SLCO1B3: variants seen among roughly 807,000 people sequenced by gnomAD.
SLCO1B3 encodes liver-specific organic anion transporter 2.
In SLCO1B3, 72 loss-of-function variants were observed where a neutral mutation model predicts 71.8. The observed-to-expected ratio is 1.00, with a 90% CI of 0.83 to 1.22. The LOEUF (loss-of-function observed/expected upper bound fraction) is 1.22. SLCO1B3 is among the 50% of genes most tolerant of loss of function. SLCO1B3 has a pLI of 0.00. For synonymous variants in SLCO1B3, 298 were observed against 278.4 expected (o/e 1.07, Z -0.70); for missense variants, 911 against 819.7 (o/e 1.11, Z -1.36).
intron 15 of SLCO1B3, among the ~76,000 whole-genome samples, chr12:20,910,760 C>T (rs758149080): frequency 1.3e-5 from 2 of 152,022 alleles, no homozygotes; most frequent in Non-Finnish European, 2.9e-5. Context: ...TCCACTTGTT[C>T]ATTGCTGATT....
chr12:20,897,123 G>A (rs561037098), intron 13 of SLCO1B3, among the ~76,000 whole-genome samples: 9 of 152,218 alleles, frequency 5.9e-5, no homozygotes, highest in African/African-American at 1.2e-4. Context: ...GAGCCAAATC[G>A]TATCAGATTC....
intron 5 of SLCO1B3, among the ~76,000 whole-genome samples, chr12:20,860,699 T>C (rs1304044749): frequency 2.0e-5 from 3 of 151,494 alleles, no homozygotes; most frequent in East Asian, 1.9e-4. Flanking sequence ...TAAATAGACA[T>C]AGTTAACAGA....
chr12:20,875,540 T>TAA, intron 9 of SLCO1B3, 63 bp downstream of exon 9: 2 of 1,461,422 alleles, frequency 1.4e-6, no homozygotes, highest in Admixed American at 2.3e-5. Flanking sequence ...GAGAAGTGAG[T>TAA]AAAAAAAAAT....
At chr12:20,814,981 C>CTTTTTTTTTTTTTTTTT (rs71039997) in intron 2 of SLCO1B3, among the ~76,000 whole-genome samples, 1 of 89,292 alleles carries the variant, frequency 1.1e-5, no homozygotes, top group Non-Finnish European at 2.3e-5. Context: ...CTTTTCTTTT[C>CTTTTTTTTTTTTTTTTT]TTTTTTTTTT....
intron 13 of SLCO1B3, among the ~76,000 whole-genome samples, chr12:20,892,800 T>A (rs1414956392): frequency 6.6e-6 from 1 of 152,074 alleles, no homozygotes; most frequent in Non-Finnish European, 1.5e-5. Flanking sequence ...ATTGGACGAT[T>A]GCCCTGGAGG....
chr12:20,855,245 C>T, intron 4 of SLCO1B3, 76 bp downstream of exon 4: 1 of 1,266,714 alleles, frequency 7.9e-7, no homozygotes, highest in Admixed American at 2.1e-5. Context: ...TGCTTTATAT[C>T]ACTGGGTCTG....
chr12:20,866,430 T>G (rs1865374417), intron 8 of SLCO1B3, among the ~76,000 whole-genome samples: 1 of 149,276 alleles, frequency 6.7e-6, no homozygotes, highest in Non-Finnish European at 1.5e-5. Context: ...GATGCAAGAT[T>G]GCTATCAGAA....
intron 13 of SLCO1B3, among the ~76,000 whole-genome samples, chr12:20,894,597 T>C (rs574134687): frequency 2.6e-5 from 4 of 152,260 alleles, no homozygotes; most frequent in African/African-American, 9.6e-5. Context: ...ACCGACAAAG[T>C]GTAACTTCTG....
intron 3 of SLCO1B3, among the ~76,000 whole-genome samples, chr12:20,829,207 C>T (rs116904774): frequency 6.6e-6 from 1 of 152,256 alleles, no homozygotes; most frequent in East Asian, 1.9e-4. Flanking sequence ...GTGATCTAAT[C>T]GTACGGAGAA....
intron 3 of SLCO1B3, among the ~76,000 whole-genome samples, chr12:20,837,474 CA>C (rs1308690862): frequency 6.6e-6 from 1 of 152,014 alleles, no homozygotes; most frequent in African/African-American, 2.4e-5. Flanking sequence ...TTCCTCTAAG[CA>C]TTGCTTTTGC....
At chr12:20,862,335 A>G (rs1370793461) in intron 6 of SLCO1B3, 77 bp from the exon 7 acceptor site, 2 of 1,412,486 alleles carry the variant, frequency 1.4e-6, no homozygotes, top group Non-Finnish European at 1.9e-6. Flanking sequence ...GGAAAAATGA[A>G]GGATTTAAAG....
chr12:20,855,024 T>C lies in SLCO1B3; in HGVS notation c.85-4T>C. On this transcript the variant is annotated splice_region_variant and splice_polypyrimidine_tract_variant and intron_variant, in intron 3 of 15. Transcript: ENST00000381545. ...ATTTTCATTTTTTCTTCTATTGTTT[T>C]TAGATGTTCTTGGCAGCCCTGTCAT... 1 of 1,608,988 alleles carries C rather than the reference T, an allele frequency of 6.2e-7. No individual in the cohort carries two copies. Among genetic ancestry groups the C allele is most frequent in the Non-Finnish European group, 8.5e-7 (1 of 1,179,108 alleles).
chr12:20,885,843 G>A (rs1271506286), intron 13 of SLCO1B3, among the ~76,000 whole-genome samples: 1 of 151,980 alleles, frequency 6.6e-6, no homozygotes, highest in Non-Finnish European at 1.5e-5. Flanking sequence ...GTGTTCAGAA[G>A]CCCCAGAGGG....
chr12:20,833,437 T>C (rs1040408792), intron 3 of SLCO1B3, among the ~76,000 whole-genome samples: 2 of 149,684 alleles, frequency 1.3e-5, no homozygotes, highest in African/African-American at 4.9e-5. Context: ...ATGTTTACTA[T>C]ATATACACAC....
chr12:20,864,902 G>A (rs1349380148), intron 8 of SLCO1B3, among the ~76,000 whole-genome samples: 1 of 152,030 alleles, frequency 6.6e-6, no homozygotes, highest in East Asian at 1.9e-4. Context: ...GTTAGAATGG[G>A]GAGAGTTGTT....
chr12:20,896,213 T>C (rs374296959), intron 13 of SLCO1B3, among the ~76,000 whole-genome samples: 107,192 of 152,046 alleles, frequency 0.7, 40,006 homozygotes, highest in South Asian at 0.89. Context: ...CATTCAGCTT[T>C]CAAATTTCAG....
chr12:20,875,567 A>T (rs1458283771), intron 9 of SLCO1B3, 90 bp downstream of exon 9: 1 of 1,304,726 alleles, frequency 7.7e-7, no homozygotes, highest in Non-Finnish European at 1.1e-6. Context: ...TACTCAAATC[A>T]TCTAGAGTCA....
At position 20,880,945 on chromosome 12, in the gene SLCO1B3, T is replaced by A. The variant is rs746455717; in HGVS notation, c.1422T>A (p.Cys474Ter). 4.3e-6 allele frequency: 7 copies of A among 1,612,492 alleles called. No individual in the cohort carries two copies. The South Asian group carries it at 6.6e-5, about 15-fold the overall frequency. The change falls in exon 12 of 16, where the codon TGT (cysteine) becomes TGA (stop). Residue 474 changes from cysteine (C) to a stop codon, truncating the protein, a stop_gained. Coordinates refer to ENST00000381545, the MANE Select transcript of SLCO1B3 (RefSeq NM_019844.4). LOFTEE classifies it high-confidence loss of function. ...NCDESQWEPV[C>*]GNNGITYLSP... ...ATGAAAGTCAGTGGGAACCAGTCTG[T>A]GGGAACAATGGAATAACTTACCTGT...
intron 9 of SLCO1B3, among the ~76,000 whole-genome samples, chr12:20,876,800 A>G (rs1865588615): frequency 6.6e-6 from 1 of 152,078 alleles, no homozygotes; most frequent in Non-Finnish European, 1.5e-5. Context: ...TGTCTATGCT[A>G]TGTTTCTACT....
Sources: gnomAD v4.1 joint callset for allele counts (sites outside exome capture counted in the v4.1 genomes callset) on GRCh38, gnomAD v4.1.1 for gene constraint, MANE v1.5 for transcripts, NCBI Gene and HGNC (gene_info 2026-07-23, HGNC 2026-07-21) for gene names.